The following GRIK2 variants were observed in gnomAD, a reference collection of about 807,000 sequenced individuals.
GRIK2 encodes the protein glutamate ionotropic receptor kainate type subunit 2.
A neutral mutation model predicts 100.3 loss-of-function variants in GRIK2; 32 were observed. That is an observed-to-expected ratio of 0.32 (90% CI 0.24 to 0.43). The LOEUF is 0.43. GRIK2 is among the 20% of genes least tolerant of loss of function. The pLI is 1.00. For missense variants in GRIK2, 843 were observed against 1,114.9 expected, an observed-to-expected ratio of 0.76 and a Z score of 3.47; for synonymous variants, 417 against 389.4, an observed-to-expected ratio of 1.07 and a Z score of -0.83.
intron 2 of GRIK2, among the ~76,000 whole-genome samples, chr6:101,444,897 C>T (rs986500601): frequency 2.0e-5 from 3 of 152,090 alleles, no homozygotes; most frequent in Admixed American, 6.6e-5. Flanking sequence ...GCCAGTCCAC[C>T]GCATCTGCTA....
At chr6:101,643,866 C>G (rs1015786201) in intron 4 of GRIK2, among the ~76,000 whole-genome samples, 3 of 151,612 alleles carry the variant, frequency 2.0e-5, no homozygotes, top group Non-Finnish European at 3.0e-5. Flanking sequence ...CTAAAATATA[C>G]TTTATAAATA....
intron 14 of GRIK2, among the ~76,000 whole-genome samples, chr6:101,960,728 T>C (rs1343476029): frequency 6.6e-6 from 1 of 152,192 alleles, no homozygotes; most frequent in Non-Finnish European, 1.5e-5. Flanking sequence ...ACTGAGGTTA[T>C]GGAAGTCTCA....
intron 7 of GRIK2, among the ~76,000 whole-genome samples, chr6:101,750,513 C>T (rs1488012891): frequency 6.6e-6 from 1 of 152,152 alleles, no homozygotes; most frequent in Non-Finnish European, 1.5e-5. Context: ...CTCTCAGTGG[C>T]ATAGCTAGTA....
intron 7 of GRIK2, among the ~76,000 whole-genome samples, chr6:101,759,827 T>A (rs1417699533): frequency 6.6e-6 from 1 of 151,908 alleles, no homozygotes; most frequent in Non-Finnish European, 1.5e-5. Flanking sequence ...TAATAATCAC[T>A]AGCTAGATAA....
At chr6:102,027,096 G>T (rs1406668699) in intron 14 of GRIK2, among the ~76,000 whole-genome samples, 2 of 151,188 alleles carry the variant, frequency 1.3e-5, no homozygotes, top group African/African-American at 4.8e-5. Context: ...ATGAGCATTA[G>T]GGCTTATTAC....
At chr6:101,446,369 G>A (rs765054057) in intron 2 of GRIK2, among the ~76,000 whole-genome samples, 1 of 151,830 alleles carries the variant, frequency 6.6e-6, no homozygotes, top group Non-Finnish European at 1.5e-5. Flanking sequence ...CAGCTCATCA[G>A]TTCATTATTA....
chr6:101,941,886 GA>G (rs1229579988), intron 14 of GRIK2, among the ~76,000 whole-genome samples: 2 of 152,028 alleles, frequency 1.3e-5, no homozygotes. Flanking sequence ...TACAATATGA[GA>G]AACTGTCCAA....
chr6:101,740,468 C>T (rs1188841986), intron 7 of GRIK2, among the ~76,000 whole-genome samples: 2 of 152,152 alleles, frequency 1.3e-5, no homozygotes, highest in Non-Finnish European at 2.9e-5. Flanking sequence ...AAGTCCACAA[C>T]TGCATTCTAC....
intron 7 of GRIK2, among the ~76,000 whole-genome samples, chr6:101,758,886 C>CT (rs60201236): frequency 0.073 from 11,120 of 152,076 alleles, 520 homozygotes; most frequent in African/African-American, 0.12. Flanking sequence ...CTATTAAAAG[C>CT]TTTTGTTTAA....
At chr6:101,932,179 T>C (rs1341163818) in intron 14 of GRIK2, among the ~76,000 whole-genome samples, 4 of 152,046 alleles carry the variant, frequency 2.6e-5, no homozygotes, top group Non-Finnish European at 5.9e-5. Context: ...TTCCAGTTTT[T>C]AGAAATTATT....
intron 14 of GRIK2, among the ~76,000 whole-genome samples, chr6:101,957,769 A>G (rs1304632): frequency 0.47 from 71,822 of 151,508 alleles, 17,065 homozygotes; most frequent in South Asian, 0.53. Context: ...TCCCAGCACC[A>G]TTTATTGAAT....
At chr6:101,521,376 AT>A (rs1420451674) in intron 2 of GRIK2, among the ~76,000 whole-genome samples, 2 of 151,880 alleles carry the variant, frequency 1.3e-5, no homozygotes, top group African/African-American at 4.8e-5. Context: ...TACTTACAAT[AT>A]TTTTTCTATG....
chr6:101,401,530 A>G (rs986979694), intron 2 of GRIK2, among the ~76,000 whole-genome samples: 1 of 152,202 alleles, frequency 6.6e-6, no homozygotes, highest in Non-Finnish European at 1.5e-5. Context: ...CAGCTTCTAG[A>G]TAACCTGCTG....
chr6:101,536,924 T>TA (rs1775728499), intron 2 of GRIK2, among the ~76,000 whole-genome samples: 1 of 151,788 alleles, frequency 6.6e-6, no homozygotes, highest in African/African-American at 2.4e-5. Flanking sequence ...TTATAATTTT[T>TA]ATCTTCATTA....
intron 2 of GRIK2, among the ~76,000 whole-genome samples, chr6:101,465,220 A>T (rs1771579131): frequency 6.6e-6 from 1 of 152,048 alleles, no homozygotes; most frequent in African/African-American, 2.4e-5. Context: ...ACCATCACCC[A>T]AATAATATAC....
At chr6:101,400,968 C>A (rs1465105150) in intron 2 of GRIK2, among the ~76,000 whole-genome samples, 1 of 152,142 alleles carries the variant, frequency 6.6e-6, no homozygotes, top group Non-Finnish European at 1.5e-5. Context: ...GTCCGTATAC[C>A]ATTGGAAATG....
intron 4 of GRIK2, among the ~76,000 whole-genome samples, chr6:101,631,610 C>T (rs117547152): frequency 1.0e-3 from 159 of 152,276 alleles, no homozygotes; most frequent in Non-Finnish European, 2.1e-3. Context: ...GTGACTGGCT[C>T]TCCTGCTCAC....
At chr6:101,836,437 G>T (rs915756912) in intron 10 of GRIK2, among the ~76,000 whole-genome samples, 2 of 150,748 alleles carry the variant, frequency 1.3e-5, no homozygotes, top group African/African-American at 4.9e-5. Context: ...ATTTAAAAAC[G>T]TAAAATATCT....
intron 4 of GRIK2, among the ~76,000 whole-genome samples, chr6:101,672,878 T>C (rs984474470): frequency 6.6e-6 from 1 of 152,208 alleles, no homozygotes; most frequent in East Asian, 1.9e-4. Flanking sequence ...AGTGCTGCGA[T>C]GAACATACAC....
Sources: allele counts gnomAD v4.1 joint callset (sites outside exome capture counted in the v4.1 genomes callset), GRCh38; gene constraint gnomAD v4.1.1; transcripts MANE v1.5; gene names NCBI Gene and HGNC (gene_info 2026-07-23, HGNC 2026-07-21).